The following DYNC2I1 variants were observed in gnomAD, a reference collection of about 807,000 sequenced individuals.
DYNC2I1 encodes the protein dynein 2 intermediate chain 1, also known as cytoplasmic dynein 2 intermediate chain 1.
In DYNC2I1, 89 loss-of-function variants were observed where a neutral mutation model predicts 133.4. The ratio of observed to expected loss-of-function variants is 0.67; its 90% CI spans 0.56 to 0.80. The LOEUF is 0.80. DYNC2I1 is among the 30% of genes least tolerant of loss of function. The pLI is 0.00. For synonymous variants in DYNC2I1, 504 were observed against 484.3 expected, an observed-to-expected ratio of 1.04 and a Z score of -0.54; for missense variants, 1,291 against 1,314.5, an observed-to-expected ratio of 0.98 and a Z score of 0.28.
At chr7:158,878,103 G>A (rs370451798) in intron 4 of DYNC2I1, among the ~76,000 whole-genome samples, 129 of 147,298 alleles carry the variant, frequency 8.8e-4, no homozygotes, top group African/African-American at 3.2e-3. Flanking sequence ...TGAGTGCTGG[G>A]CATCATGTGG....
chr7:158,952,367 T>C (rs1290789806), intron 4 of DYNC2I1, among the ~76,000 whole-genome samples: 1 of 152,150 alleles, frequency 6.6e-6, no homozygotes, highest in Non-Finnish European at 1.5e-5. Flanking sequence ...ACATCCCGCC[T>C]ACCTGAATTG....
At chr7:158,851,851 A>G (rs939631206), upstream of DYNC2I1, among the ~76,000 whole-genome samples, 1 of 152,192 alleles carries the variant, frequency 6.6e-6, no homozygotes, top group African/African-American at 2.4e-5. Flanking sequence ...TTTGATTCAT[A>G]TTTATAGTTG....
Position 158,926,314 on chromosome 7 carries a change from C to T in DYNC2I1, c.2371+14C>T, listed in dbSNP as rs1318833425. On this transcript the variant is annotated intron_variant, in intron 18 of 24. Coordinates refer to ENST00000407559, the MANE Select transcript of DYNC2I1 (RefSeq NM_018051.5). ...CTACTCAAGAAGGTACGTGATTCTT[C>T]ACTTTCTTAAAATCCTTCATCAATG... 1 of 1,606,240 alleles carries T rather than the reference C, an allele frequency of 6.2e-7. No homozygotes were observed. The highest frequency in any genetic ancestry group is 8.5e-7 in the Non-Finnish European group (1 of 1,175,832).
chr7:158,945,609 C>T lies in DYNC2I1; in HGVS notation c.3031C>T (p.Pro1011Ser). ...GGTGGCCATGGCTGCGGTGGGTGAGCCTGAGAAGGCTGGTGGCAGCTTCCT... is the reference window on the plus strand; with the variant it reads ...GGTGGCCATGGCTGCGGTGGGTGAGTCTGAGAAGGCTGGTGGCAGCTTCCT... ...RLVAMAAVGE[P>S]EKAGGSFLAL... is the part of the protein sequence containing the mutation. The change falls in exon 25 of 25, where the codon CCT (proline) becomes TCT (serine). Residue 1011 changes from proline (P) to serine (S), a missense_variant. Coordinates refer to ENST00000407559, the MANE Select transcript of DYNC2I1 (RefSeq NM_018051.5). The surrounding 1 kb of genome is among the most constrained non-coding windows in gnomAD (Gnocchi z 4.1). 6.2e-7 allele frequency: 1 copy of T among 1,608,424 alleles called. No individual in the cohort carries two copies. The highest frequency in any genetic ancestry group is 8.5e-7 in the Non-Finnish European group (1 of 1,177,954).
At chr7:158,957,397 C>G (rs557509700), downstream of DYNC2I1, among the ~76,000 whole-genome samples, 18 of 152,340 alleles carry the variant, frequency 1.2e-4, no homozygotes, top group African/African-American at 3.6e-4. Flanking sequence ...TAGACTACTT[C>G]TTTGTTTGTT....
chr7:158,844,843 A>T, the DYNC2I1 span, among the ~76,000 whole-genome samples: 1 of 151,940 alleles, frequency 6.6e-6, no homozygotes, highest in African/African-American at 2.4e-5. Context: ...CTGGTCTCGA[A>T]CTCCCGACCT....
At chr7:158,930,613 T>C (rs1436478779) in intron 21 of DYNC2I1, 98 bp downstream of exon 21, 34 of 922,926 alleles carry the variant, frequency 3.7e-5, no homozygotes, top group Non-Finnish European at 5.4e-5. Flanking sequence ...GCTTTTGCGA[T>C]GAAGAAGTCC....
At chr7:158,864,085 G>A (rs1199026325) in intron 1 of DYNC2I1, among the ~76,000 whole-genome samples, 8 of 140,606 alleles carry the variant, frequency 5.7e-5, no homozygotes, top group Non-Finnish European at 1.1e-4. Context: ...TGTGTGTGTG[G>A]TGTGGGGGGA....
At chr7:158,919,986 G>T (rs1284328504) in intron 15 of DYNC2I1, among the ~76,000 whole-genome samples, 1 of 151,354 alleles carries the variant, frequency 6.6e-6, no homozygotes, top group African/African-American at 2.4e-5. Flanking sequence ...GTACTGCAGC[G>T]CTGTGGCCTC....
At position 158,856,595 on chromosome 7, in the gene DYNC2I1, G is replaced by A. The variant is rs1174011187; in HGVS notation, c.-141G>A. 3 of 862,050 alleles carry A rather than the reference G, an allele frequency of 3.5e-6. No homozygotes were observed. Among genetic ancestry groups the A allele is most frequent in the Non-Finnish European group, 4.6e-6 (3 of 651,558 alleles). 53.4% of individuals were successfully genotyped at this position (862,050 alleles called of 1,614,324 possible). On this transcript the variant is annotated 5_prime_UTR_variant, in exon 1 of 25. Transcript: ENST00000407559. ...AGGGCACGCTGGGCAGTGCTTCTGG[G>A]CCCTCTGCTGCTCCTGCTTGTCGGT...
intron 14 of DYNC2I1, among the ~76,000 whole-genome samples, chr7:158,918,098 G>T (rs1425930595): frequency 6.6e-6 from 1 of 151,994 alleles, no homozygotes; most frequent in African/African-American, 2.4e-5. Context: ...AGTATTCCCG[G>T]CCGTCCTGAC....
At chr7:158,902,095 A>G (rs1251087365) in intron 9 of DYNC2I1, among the ~76,000 whole-genome samples, 1 of 152,220 alleles carries the variant, frequency 6.6e-6, no homozygotes, top group Non-Finnish European at 1.5e-5. Flanking sequence ...AAATACATAC[A>G]CTTTCACATT....
chr7:158,863,431 C>T (rs1166726828), intron 1 of DYNC2I1, among the ~76,000 whole-genome samples: 2 of 151,990 alleles, frequency 1.3e-5, no homozygotes, highest in Non-Finnish European at 2.9e-5. Context: ...CTCTGGGCAC[C>T]ACTGAACTCT....
intron 6 of DYNC2I1, 27 bp downstream of exon 6, chr7:158,884,646 C>A (rs1204468942): frequency 1.2e-6 from 2 of 1,610,548 alleles, no homozygotes; most frequent in Admixed American, 3.4e-5. Flanking sequence ...CTGTGGTCGA[C>A]CTTTACGTGT....
chr7:158,947,487 A>C (rs893195809), downstream of DYNC2I1, among the ~76,000 whole-genome samples: 2 of 152,184 alleles, frequency 1.3e-5, no homozygotes, highest in Admixed American at 6.5e-5. Context: ...TGCAGTTCAC[A>C]GTTCGTTCTC....
At chr7:158,891,401 CT>C in intron 8 of DYNC2I1, 68 bp downstream of exon 8, 6 of 1,574,006 alleles carry the variant, frequency 3.8e-6, no homozygotes, top group Non-Finnish European at 4.4e-6. Flanking sequence ...CATTTGCTTG[CT>C]TTCCTGTCAG....
intron 4 of DYNC2I1, 112 bp downstream of exon 4, chr7:158,876,803 TC>T: frequency 3.9e-5 from 55 of 1,403,968 alleles, no homozygotes; most frequent in Non-Finnish European, 5.0e-5. Flanking sequence ...AGGATTTCAG[TC>T]CTGGAAAAGG....
chr7:158,917,803 ACT>A (rs1848625845), intron 14 of DYNC2I1, among the ~76,000 whole-genome samples: 2 of 151,260 alleles, frequency 1.3e-5, no homozygotes, highest in East Asian at 2.0e-4. Flanking sequence ...TGCCTTCCAC[ACT>A]CTCTTCCTGT....
the DYNC2I1 span, among the ~76,000 whole-genome samples, chr7:158,841,712 G>A: frequency 6.6e-6 from 1 of 152,170 alleles, no homozygotes; most frequent in Admixed American, 6.5e-5. Flanking sequence ...CATTTATTCA[G>A]CAAATATGGT....
Sources: allele counts gnomAD v4.1 joint callset (sites outside exome capture counted in the v4.1 genomes callset), GRCh38; gene constraint gnomAD v4.1.1; non-coding constraint Gnocchi (gnomAD v3.1); transcripts MANE v1.5; gene names NCBI Gene and HGNC (gene_info 2026-07-23, HGNC 2026-07-21).